BIN3: variants seen among roughly 807,000 people sequenced by gnomAD.
BIN3 encodes the protein bridging integrator 3.
BIN3 carries 41 observed loss-of-function variants against 38.2 expected under a neutral mutation model. The observed-to-expected ratio is 1.07, with a 90% CI of 0.84 to 1.39. The LOEUF is 1.39. Among genes scored for constraint, BIN3 ranks in the 40% most tolerant of loss-of-function variants. The pLI, the probability that BIN3 is intolerant of heterozygous loss-of-function variation, is 0.00. For synonymous variants in BIN3, 145 were observed against 122.6 expected, an observed-to-expected ratio of 1.18 and a Z score of -1.21; for missense variants, 361 against 324.3, an observed-to-expected ratio of 1.11 and a Z score of -0.87.
chr8:22,647,035 C>T (rs751350232), intron 1 of BIN3, among the ~76,000 whole-genome samples: 2 of 152,194 alleles, frequency 1.3e-5, no homozygotes, highest in East Asian at 1.9e-4. Context: ...CCTCTGCCTC[C>T]GACTCATTTT....
At chr8:22,649,857 ACCCC>A (rs765863433) in intron 1 of BIN3, among the ~76,000 whole-genome samples, 2 of 125,126 alleles carry the variant, frequency 1.6e-5, no homozygotes, top group African/African-American at 7.7e-5. Flanking sequence ...ACACACACAC[ACCCC>A]CAAAGGAAAA....
intron 6 of BIN3, chr8:22,625,260 G>A: frequency 1.4e-6 from 1 of 699,562 alleles, no homozygotes; most frequent in Non-Finnish European, 2.6e-6. Context: ...TCTCGCTGCT[G>A]CTGCTGGAGG....
chr8:22,665,172 G>A (rs1803376087), intron 1 of BIN3, among the ~76,000 whole-genome samples: 1 of 152,130 alleles, frequency 6.6e-6, no homozygotes, highest in South Asian at 2.1e-4. Context: ...GGAGTGGGGA[G>A]GAGAAATCAC....
At chr8:22,655,244 T>C (rs1439201422) in intron 1 of BIN3, among the ~76,000 whole-genome samples, 3 of 152,236 alleles carry the variant, frequency 2.0e-5, no homozygotes, top group Non-Finnish European at 2.9e-5. Context: ...TCCACTTTCT[T>C]AATGGTGTCC....
chr8:22,650,533 GCTTC>G (rs1032735546), intron 1 of BIN3, among the ~76,000 whole-genome samples: 4 of 152,086 alleles, frequency 2.6e-5, no homozygotes, highest in African/African-American at 9.6e-5. Flanking sequence ...TACTTTTATG[GCTTC>G]CTTTTGTTAA....
intron 6 of BIN3, among the ~76,000 whole-genome samples, chr8:22,628,090 T>G (rs1258508013): frequency 6.6e-6 from 1 of 152,122 alleles, no homozygotes; most frequent in Non-Finnish European, 1.5e-5. Context: ...CGAGGCCGGC[T>G]GGGAGGTGGG....
At chr8:22,634,397 G>A (rs1347162392) in intron 4 of BIN3, 2 of 442,192 alleles carry the variant, frequency 4.5e-6, no homozygotes, top group South Asian at 1.6e-5. Context: ...TCCCTGCACA[G>A]GCAGTCAGCG....
At chr8:22,659,393 A>C (rs1418953879) in intron 1 of BIN3, among the ~76,000 whole-genome samples, 1 of 152,218 alleles carries the variant, frequency 6.6e-6, no homozygotes, top group Non-Finnish European at 1.5e-5. Context: ...AAAAGGGATG[A>C]CTGTGACTTG....
intron 1 of BIN3, among the ~76,000 whole-genome samples, chr8:22,646,947 T>C (rs1000523534): frequency 1.3e-5 from 2 of 152,224 alleles, no homozygotes; most frequent in Non-Finnish European, 2.9e-5. Context: ...CCCAGTGGCA[T>C]TGCAGACAGA....
At chr8:22,664,826 T>G (rs1803360478) in intron 1 of BIN3, among the ~76,000 whole-genome samples, 1 of 152,190 alleles carries the variant, frequency 6.6e-6, no homozygotes, top group African/African-American at 2.4e-5. Context: ...TCTGAAAAGT[T>G]AGAAGCACTC....
At position 22,624,337 on chromosome 8, in the gene BIN3, T is replaced by A. The variant is rs542979122; in HGVS notation, c.365A>T (p.Asn122Ile). ...KKFGSVFPSL[N>I]MAVKRREQAL... ...CTGTTCCCGCCTCTTCACAGCCATG[T>A]TGAGGCTCGGGAAGACACTGCCGAA... Residue 122 changes from asparagine (N) to isoleucine (I), a missense_variant, in exon 7 of 9, where the codon AAC (asparagine) becomes ATC (isoleucine). Coordinates refer to ENST00000276416, the MANE Select transcript of BIN3 (RefSeq NM_018688.6). The A allele has an allele frequency of 6.2e-7, 1 of 1,613,744 alleles. No individual in the cohort carries two copies. The highest frequency in any genetic ancestry group is 8.5e-7 in the Non-Finnish European group (1 of 1,179,782).
At chr8:22,653,181 T>C (rs920767844) in intron 1 of BIN3, among the ~76,000 whole-genome samples, 5 of 152,340 alleles carry the variant, frequency 3.3e-5, no homozygotes, top group Non-Finnish European at 7.3e-5. Context: ...GGGCGTATTT[T>C]GAATTTTGTT....
chr8:22,662,362 G>A (rs923943201), intron 1 of BIN3, among the ~76,000 whole-genome samples: 6 of 152,192 alleles, frequency 3.9e-5, no homozygotes, highest in African/African-American at 1.4e-4. Flanking sequence ...CCAGTCTGAT[G>A]GCTGTGAAAC....
intron 1 of BIN3, among the ~76,000 whole-genome samples, chr8:22,668,650 C>A (rs906838556): frequency 6.6e-6 from 1 of 152,190 alleles, no homozygotes; most frequent in Admixed American, 6.5e-5. Flanking sequence ...GCTGCCACAG[C>A]GAGGGCCACA....
chr8:22,652,492 T>C (rs895637011), intron 1 of BIN3, among the ~76,000 whole-genome samples: 2 of 152,200 alleles, frequency 1.3e-5, no homozygotes, highest in African/African-American at 4.8e-5. Context: ...TGCATGTATG[T>C]GTACACATGT....
At chr8:22,652,421 T>C (rs1802931691) in intron 1 of BIN3, among the ~76,000 whole-genome samples, 1 of 152,240 alleles carries the variant, frequency 6.6e-6, no homozygotes, top group South Asian at 2.1e-4. Context: ...TAAAATTCCT[T>C]AGAGAAGATT....
chr8:22,652,319 TC>T (rs1460435219), intron 1 of BIN3, among the ~76,000 whole-genome samples: 3 of 152,248 alleles, frequency 2.0e-5, no homozygotes, highest in African/African-American at 7.2e-5. Context: ...ACCATGTTTA[TC>T]TACTGGGTAG....
chr8:22,622,996 C>CA (rs1391527226), intron 8 of BIN3, among the ~76,000 whole-genome samples: 2 of 152,308 alleles, frequency 1.3e-5, no homozygotes, highest in South Asian at 4.1e-4. Context: ...GGTGGGTGTG[C>CA]ACTGGCCAGG....
At position 22,669,081 on chromosome 8, in the gene BIN3, C is replaced by A. The variant is rs1470113687; in HGVS notation, c.-30G>T. On this transcript the variant is annotated 5_prime_UTR_variant, in exon 1 of 9. Coordinates refer to ENST00000276416, the MANE Select transcript of BIN3 (RefSeq NM_018688.6). ...CCGAACCTGCGTCTGCCGCCGGGGT[C>A]CTCAGCCACAACTCGTTTCTCTAGG... is the stretch of plus-strand genomic sequence containing the variant. 15 of 1,590,262 alleles carry A rather than the reference C, an allele frequency of 9.4e-6. No individual in the cohort carries two copies. Among genetic ancestry groups the A allele is most frequent in the Non-Finnish European group, 1.3e-5 (15 of 1,168,608 alleles).
Sources: allele counts gnomAD v4.1 joint callset (sites outside exome capture counted in the v4.1 genomes callset), GRCh38; gene constraint gnomAD v4.1.1; transcripts MANE v1.5; gene names NCBI Gene and HGNC (gene_info 2026-07-23, HGNC 2026-07-21).